Variants in MAP3K5 observed in about 807,000 individuals in gnomAD.
The protein encoded by MAP3K5 is ASK-1.
A neutral mutation model predicts 158.7 loss-of-function variants in MAP3K5; 56 were observed. The ratio of observed to expected loss-of-function variants is 0.35; its 90% CI spans 0.28 to 0.44. The LOEUF (loss-of-function observed/expected upper bound fraction) is 0.44. Among genes scored for constraint, MAP3K5 ranks in the 20% least tolerant of loss-of-function variants. MAP3K5 has a pLI of 1.00. For missense variants in MAP3K5, 1,294 were observed against 1,674.8 expected (o/e 0.77, Z 3.97); for synonymous variants, 579 against 601.7 (o/e 0.96, Z 0.55).
chr6:136,776,293 G>T (rs1005663578), intron 1 of MAP3K5, among the ~76,000 whole-genome samples: 6 of 152,068 alleles, frequency 3.9e-5, no homozygotes, highest in Non-Finnish European at 1.5e-5. Flanking sequence ...ACCCAGGCTG[G>T]AGTGCAGTGG....
chr6:136,656,482 A>T (rs766369989), intron 9 of MAP3K5, 22 bp from the exon 10 acceptor site: 1 of 1,499,396 alleles, frequency 6.7e-7, no homozygotes, highest in South Asian at 1.3e-5. Flanking sequence ...AAGATATAAA[A>T]CATGTAACAG....
Position 136,696,041 on chromosome 6 carries a change from A to C in MAP3K5, c.992T>G (p.Val331Gly), listed in dbSNP as rs1241412736. 1 of 1,607,608 alleles carries C rather than the reference A, an allele frequency of 6.2e-7. No homozygotes were observed. The highest frequency in any genetic ancestry group is 8.5e-7 in the Non-Finnish European group (1 of 1,174,316). ...TTTTTCTAAAGTCTCTACCAGCTTC[A>C]CAATAGAATCATAGTCCTTTCAAAT... ...YRDIQDYDSI[V>G]KLVETLEKLP... The change falls in exon 6 of 30, where the codon GTG (valine) becomes GGG (glycine). Residue 331 changes from valine (V) to glycine (G), a missense_variant. Val to Gly is a moderately radical substitution (Grantham distance 109). Around this residue, in one of 5 missense-constraint regions of MAP3K5, gnomAD observed 690 missense variants for 870.5 expected, o/e 0.79. Coordinates refer to ENST00000359015, the MANE Select transcript of MAP3K5 (RefSeq NM_005923.4).
intron 21 of MAP3K5, among the ~76,000 whole-genome samples, chr6:136,593,861 C>A (rs1315874413): frequency 6.6e-6 from 1 of 152,110 alleles, no homozygotes; most frequent in African/African-American, 2.4e-5. Flanking sequence ...CTCCTTCTTA[C>A]TTAATTCCTC....
At chr6:136,730,688 C>T (rs1217503796) in intron 1 of MAP3K5, among the ~76,000 whole-genome samples, 1 of 147,374 alleles carries the variant, frequency 6.8e-6, no homozygotes, top group African/African-American at 2.5e-5. Flanking sequence ...CGCCACTGTA[C>T]TCCAGCCTGG....
intron 7 of MAP3K5, among the ~76,000 whole-genome samples, chr6:136,683,636 G>A (rs988883316): frequency 6.6e-6 from 1 of 152,144 alleles, no homozygotes; most frequent in Non-Finnish European, 1.5e-5. Flanking sequence ...CTACGCAAGT[G>A]TTAATTTTTT....
intron 8 of MAP3K5, among the ~76,000 whole-genome samples, chr6:136,661,751 G>A (rs986732701): frequency 6.6e-6 from 1 of 151,996 alleles, no homozygotes; most frequent in African/African-American, 2.4e-5. Context: ...CTGTGGGCCA[G>A]GCTCATCTCG....
chr6:136,694,275 T>C lies in MAP3K5; in HGVS notation c.1118A>G (p.Asp373Gly), dbSNP rs777147693. ...NLPGDRAKAL[D>G]IMIPMVQSEG... ...GCTTTGCACCATGGGAATCATAATA[T>C]CAAGAGCTTTTGCTCTGTCACCAGG... The change falls in exon 7 of 30, where the codon GAT becomes GGT. Residue 373 changes from aspartate (D) to glycine (G), a missense_variant. Asp to Gly is a moderately conservative substitution (Grantham distance 94). Coordinates refer to ENST00000359015, the MANE Select transcript of MAP3K5 (RefSeq NM_005923.4). 1 of 1,612,976 alleles carries C rather than the reference T, an allele frequency of 6.2e-7. No individual in the cohort carries two copies. The highest frequency in any genetic ancestry group is 8.5e-7 in the Non-Finnish European group (1 of 1,179,918).
intron 10 of MAP3K5, among the ~76,000 whole-genome samples, chr6:136,655,809 C>A (rs926904738): frequency 6.6e-6 from 1 of 152,034 alleles, no homozygotes; most frequent in African/African-American, 2.4e-5. Flanking sequence ...CCAGAAACTG[C>A]AAGTCATTTC....
intron 2 of MAP3K5, among the ~76,000 whole-genome samples, chr6:136,711,652 G>C (rs1781312865): frequency 6.8e-6 from 1 of 146,834 alleles, no homozygotes; most frequent in South Asian, 2.1e-4. Flanking sequence ...GGTGGACAAA[G>C]TCAGACCTCT....
At chr6:136,771,864 G>A (rs1156996690) in intron 1 of MAP3K5, among the ~76,000 whole-genome samples, 1 of 152,098 alleles carries the variant, frequency 6.6e-6, no homozygotes, top group Non-Finnish European at 1.5e-5. Flanking sequence ...CAACCTGAGA[G>A]CTGATTTTCA....
chr6:136,645,521 G>A (rs891592759), intron 11 of MAP3K5, among the ~76,000 whole-genome samples: 18 of 152,056 alleles, frequency 1.2e-4, no homozygotes, highest in Admixed American at 9.2e-4. Context: ...CAAAAGGGGG[G>A]GAAATTCTAA....
intron 23 of MAP3K5, among the ~76,000 whole-genome samples, chr6:136,587,070 C>T (rs1775171664): frequency 6.6e-6 from 1 of 152,196 alleles, no homozygotes; most frequent in African/African-American, 2.4e-5. Context: ...CCCTGACTAA[C>T]ACACAGGGTC....
At chr6:136,768,384 A>G (rs9402845) in intron 1 of MAP3K5, among the ~76,000 whole-genome samples, 87,231 of 152,048 alleles carry the variant, frequency 0.57, 25,485 homozygotes, top group Admixed American at 0.66. Flanking sequence ...AAAAATAAGC[A>G]AAGAATCTGA....
At chr6:136,580,508 G>A (rs1406748038) in intron 24 of MAP3K5, 102 bp from the exon 25 acceptor site, 1 of 638,272 alleles carries the variant, frequency 1.6e-6, no homozygotes, top group Admixed American at 2.6e-5. Context: ...CAACTAAAAA[G>A]TTTCTTCAAC....
At chr6:136,650,611 A>G (rs1337221097) in intron 11 of MAP3K5, among the ~76,000 whole-genome samples, 3 of 152,242 alleles carry the variant, frequency 2.0e-5, no homozygotes, top group Non-Finnish European at 4.4e-5. Context: ...TAAAAGTGGC[A>G]TCATTCTGAC....
chr6:136,589,360 C>T (rs1475145447), intron 23 of MAP3K5, among the ~76,000 whole-genome samples: 2 of 152,136 alleles, frequency 1.3e-5, no homozygotes, highest in East Asian at 3.9e-4. Flanking sequence ...GTTCCCAGTA[C>T]CCATTGAACT....
At chr6:136,746,079 C>A (rs899603416) in intron 1 of MAP3K5, among the ~76,000 whole-genome samples, 13 of 152,132 alleles carry the variant, frequency 8.5e-5, no homozygotes, top group Non-Finnish European at 1.5e-4. Flanking sequence ...GATGTTTGAA[C>A]TAGGATGGTG....
chr6:136,617,912 G>A (rs1478611516), intron 15 of MAP3K5, among the ~76,000 whole-genome samples: 1 of 152,082 alleles, frequency 6.6e-6, no homozygotes, highest in Non-Finnish European at 1.5e-5. Flanking sequence ...CAGCCTGGGC[G>A]ACAGAATGAA....
At chr6:136,785,538 G>A (rs1471511181) in intron 1 of MAP3K5, among the ~76,000 whole-genome samples, 2 of 152,310 alleles carry the variant, frequency 1.3e-5, no homozygotes, top group Non-Finnish European at 1.5e-5. Flanking sequence ...GTCCACTGAA[G>A]GAGTGAGGTG....
Sources: gnomAD v4.1 joint callset for allele counts (sites outside exome capture counted in the v4.1 genomes callset) on GRCh38, gnomAD v4.1.1 for gene constraint, gnomAD v4.1.1 regional missense constraint, MANE v1.5 for transcripts, NCBI Gene and HGNC (gene_info 2026-07-23, HGNC 2026-07-21) for gene names.